Variants in NTMT1 observed in about 807,000 individuals in gnomAD.
The protein encoded by NTMT1 is N-terminal Xaa-Pro-Lys N-methyltransferase 1, also known as N-terminal RCC1 methyltransferase.
NTMT1 carries 8 observed loss-of-function variants against 17.5 expected under a neutral mutation model. The ratio of observed to expected loss-of-function variants is 0.46; its 90% confidence interval spans 0.27 to 0.82. The LOEUF is 0.82. Ranked by LOEUF, NTMT1 falls within the 40% of genes least tolerant of loss-of-function variation. The pLI is 0.15. For synonymous variants in NTMT1, 128 were observed against 126.8 expected (o/e 1.01, Z -0.06); for missense variants, 221 against 303.5 (o/e 0.73, Z 2.02).
intron 1 of NTMT1, among the ~76,000 whole-genome samples, chr9:129,617,794 C>T (rs1483249237): frequency 6.6e-6 from 1 of 152,130 alleles, no homozygotes; most frequent in East Asian, 1.9e-4. Context: ...AGCAATCCTC[C>T]CACCTCAGCC....
Position 129,613,417 on chromosome 9 carries a change from G to C in NTMT1, c.-55+4239G>C. On this transcript the variant is annotated intron_variant, in intron 1 of 3. Transcript: ENST00000372486. The surrounding 1 kb of genome is among the most constrained non-coding windows in gnomAD (Gnocchi z 6.2). The stretch of plus-strand genomic sequence containing the variant: ...CTGGCAATGTCCACGAGTCCCATCC[G>C]CTTCCCTGGAGCCTCACAGGCCAGC... 1 of 1,611,034 alleles carries C rather than the reference G, an allele frequency of 6.2e-7. No individual in the cohort carries two copies. Among genetic ancestry groups the C allele is most frequent in the Non-Finnish European group, 8.5e-7 (1 of 1,178,104 alleles).
intron 3 of NTMT1, chr9:129,634,744 G>A (rs1268723737): frequency 1.8e-5 from 4 of 216,362 alleles, no homozygotes; most frequent in Admixed American, 5.3e-5. Context: ...AGCAGCAGTC[G>A]GCCACCTCCT....
intron 1 of NTMT1, among the ~76,000 whole-genome samples, chr9:129,629,713 TTGG>T (rs1831064637): frequency 6.6e-6 from 1 of 152,282 alleles, no homozygotes; most frequent in African/African-American, 2.4e-5. Flanking sequence ...GGCTCCCTGA[TTGG>T]TGAAGTGACT....
intron 1 of NTMT1, among the ~76,000 whole-genome samples, chr9:129,630,039 C>T (rs1047202608): frequency 6.6e-6 from 1 of 152,210 alleles, no homozygotes; most frequent in Non-Finnish European, 1.5e-5. Flanking sequence ...AAGAAGAACC[C>T]CGTTGCATCT....
In NTMT1 at chr9:129,613,378, G is replaced by T; in HGVS notation, c.-55+4200G>T. On this transcript the variant is annotated intron_variant, in intron 1 of 3. Coordinates refer to the NTMT1 transcript ENST00000372486. This position sits in a 1 kb window ranked among gnomAD's most constrained non-coding sequence, Gnocchi z 6.2. ...CTGGGTGGGGAGGTCTGTAGGCAAG[G>T]GGGGTGGAGGGCCCTGGCAATGTCC... The T allele has an allele frequency of 4.4e-6, 7 of 1,596,634 alleles. No individual in the cohort carries two copies. In the South Asian group the frequency reaches 4.4e-5, roughly 10 times the overall value.
In NTMT1 at chr9:129,613,711, AC is replaced by A. The variant is rs1588110308; in HGVS notation, c.-55+4537del. On this transcript the variant is annotated intron_variant, in intron 1 of 3. Coordinates refer to the NTMT1 transcript ENST00000372486. This position sits in a 1 kb window ranked among gnomAD's most constrained non-coding sequence, Gnocchi z 6.2. ...CGGTCAGAGCCCTGTCTCCATGGCA[AC>A]CCCAGGCTCCCCAGCGCCTTCTGGC... 1 of 1,347,188 alleles carries A rather than the reference AC, an allele frequency of 7.4e-7. No individual in the cohort carries two copies. Among genetic ancestry groups the A allele is most frequent in the East Asian group, 2.4e-5 (1 of 42,382 alleles). 83.5% of individuals were successfully genotyped at this position (1,347,188 alleles called of 1,614,324 possible).
chr9:129,620,478 G>T lies in NTMT1; in HGVS notation c.-55+11300G>T. On this transcript the variant is annotated intron_variant, in intron 1 of 3. Transcript: ENST00000372486. This position sits in a 1 kb window ranked among gnomAD's most constrained non-coding sequence, Gnocchi z 5.8. ...CGGAGCGCGGGCGGGGTCAGCTTGG[G>T]CAGCCGCGGGTCGCTGCTGCGTCGG... 7.3e-7 allele frequency: 1 copy of T among 1,378,822 alleles called. No individual in the cohort carries two copies. The highest frequency in any genetic ancestry group is 9.4e-7 in the Non-Finnish European group (1 of 1,061,096). The allele number at this position is 1,378,822 out of a possible 1,614,324, so 85.4% of individuals were successfully genotyped here. A position where few individuals can be genotyped will look rare whatever the true frequency, so the allele number is the denominator to read the frequency against.
intron 1 of NTMT1, among the ~76,000 whole-genome samples, chr9:129,629,776 G>A (rs1564346150): frequency 6.6e-6 from 1 of 152,232 alleles, no homozygotes. Flanking sequence ...ACAGTAAAGT[G>A]AGGGGTCAGT....
At position 129,635,400 on chromosome 9, in the gene NTMT1, C is replaced by T; in HGVS notation, c.608C>T (p.Ala203Val). The T allele has an allele frequency of 6.2e-7, 1 of 1,613,610 alleles. No homozygotes were observed. The highest frequency in any genetic ancestry group is 8.5e-7 in the Non-Finnish European group (1 of 1,180,020). The change falls in exon 4 of 4, where the codon GCC becomes GTC. Residue 203 changes from alanine to valine, a missense_variant. Physicochemically the swap from Ala to Val is moderately conservative, Grantham distance 64. Transcript: ENST00000372483. ...IICSAGLSLL[A>V]EERQENLPDE... ...TGCAGTGCAGGCCTCAGCCTCCTGG[C>T]CGAGGAGAGGCAGGAGAACCTCCCC...
Position 129,620,073 on chromosome 9 carries a change from G to A in NTMT1, c.-55+10895G>A, listed in dbSNP as rs1488782453. The A allele has an allele frequency of 5.5e-6, 8 of 1,452,504 alleles. No individual in the cohort carries two copies. The highest frequency in any genetic ancestry group is 7.3e-6 in the Non-Finnish European group (8 of 1,100,308). 90.0% of individuals were successfully genotyped at this position (1,452,504 alleles called of 1,614,324 possible). A position where few individuals can be genotyped will look rare whatever the true frequency, so the allele number is the denominator to read the frequency against. On this transcript the variant is annotated intron_variant, in intron 1 of 3. Coordinates refer to the NTMT1 transcript ENST00000372486. This position sits in a 1 kb window ranked among gnomAD's most constrained non-coding sequence, Gnocchi z 5.8. The stretch of plus-strand genomic sequence containing the variant: ...GGGCCCCGCGGGGCCTCACTCAGTG[G>A]CTCCGGCTCCTCGGCGCACTTCTCC...
At chr9:129,631,041 T>C (rs1323068373) in intron 1 of NTMT1, among the ~76,000 whole-genome samples, 1 of 152,138 alleles carries the variant, frequency 6.6e-6, no homozygotes, top group African/African-American at 2.4e-5. Context: ...CCTTCCACAG[T>C]CTTCCCCCGC....
At chr9:129,633,232 A>G (rs547502919) in intron 2 of NTMT1, 3 of 396,594 alleles carry the variant, frequency 7.6e-6, no homozygotes, top group South Asian at 1.2e-4. Context: ...GTTATGTGCC[A>G]TGGTTTCCAC....
At chr9:129,621,286 C>G (rs1420382729), upstream of NTMT1, among the ~76,000 whole-genome samples, 1 of 152,172 alleles carries the variant, frequency 6.6e-6, no homozygotes, top group Non-Finnish European at 1.5e-5. Context: ...GATGACTTAC[C>G]CCCAGCCCCC....
chr9:129,619,227 A>G (rs1425886016), intron 1 of NTMT1, among the ~76,000 whole-genome samples: 1 of 152,152 alleles, frequency 6.6e-6, no homozygotes, highest in Non-Finnish European at 1.5e-5. Context: ...CATGGATGAG[A>G]TGGATGCAAA....
chr9:129,610,873 T>C (rs1830100294), intron 1 of NTMT1, among the ~76,000 whole-genome samples: 1 of 151,990 alleles, frequency 6.6e-6, no homozygotes, highest in East Asian at 1.9e-4. Context: ...GGCGTGAATG[T>C]CCAGAAAGGG....
chr9:129,630,292 GC>G (rs1400071924), intron 1 of NTMT1, among the ~76,000 whole-genome samples: 4 of 152,126 alleles, frequency 2.6e-5, no homozygotes, highest in African/African-American at 9.7e-5. Context: ...GGGCAACGTG[GC>G]AAAACTCCAT....
chr9:129,619,405 A>G (rs1830558345), intron 1 of NTMT1: 1 of 765,352 alleles, frequency 1.3e-6, no homozygotes, highest in Non-Finnish European at 2.2e-6. Flanking sequence ...GTAAGGATGG[A>G]TGAATGGGTA....
chr9:129,634,787 C>T (rs928924163), intron 3 of NTMT1: 1 of 256,048 alleles, frequency 3.9e-6, no homozygotes, highest in Non-Finnish European at 7.6e-6. Context: ...TGTGGACACT[C>T]TAGGTCTGGC....
At chr9:129,628,319 A>G (rs140886603) in intron 1 of NTMT1, among the ~76,000 whole-genome samples, 67 of 152,330 alleles carry the variant, frequency 4.4e-4, no homozygotes, top group African/African-American at 1.5e-3. Context: ...GGCAGATGTC[A>G]AAGTCAGGCT....
Sources: gnomAD v4.1 joint callset for allele counts (sites outside exome capture counted in the v4.1 genomes callset) on GRCh38, gnomAD v4.1.1 for gene constraint, Gnocchi (gnomAD v3.1) non-coding constraint, MANE v1.5 for transcripts, NCBI Gene and HGNC (gene_info 2026-07-23, HGNC 2026-07-21) for gene names.